Variants in GALNT13 observed in about 807,000 individuals in gnomAD.
GALNT13 encodes the protein UDP-GalNAc:polypeptide N-acetylgalactosaminyltransferase 13.
Under a neutral mutation model 64.2 loss-of-function variants are expected in GALNT13, and 28 were observed. The observed-to-expected ratio is 0.44, with a 90% CI of 0.32 to 0.60. The LOEUF is 0.60. GALNT13 is among the 20% of genes least tolerant of loss of function. The probability of loss-of-function intolerance (pLI) is 0.05; values close to 1 mark genes in which losing one functional copy is unlikely to be tolerated. For missense variants in GALNT13, 577 were observed against 669.8 expected (o/e 0.86, Z 1.53); for synonymous variants, 214 against 224.6 (o/e 0.95, Z 0.42).
At chr2:154,051,875 T>C (rs1029022963) in intron 3 of GALNT13, among the ~76,000 whole-genome samples, 6 of 152,226 alleles carry the variant, frequency 3.9e-5, no homozygotes, top group Admixed American at 3.9e-4. Flanking sequence ...TGTCTTATCC[T>C]AACTCTGAGC....
chr2:154,431,098 G>C (rs191530897), intron 11 of GALNT13, among the ~76,000 whole-genome samples: 22 of 152,100 alleles, frequency 1.4e-4, no homozygotes, highest in African/African-American at 4.6e-4. Flanking sequence ...TCTGAAGTTT[G>C]CCTGTGTATA....
intron 3 of GALNT13, among the ~76,000 whole-genome samples, chr2:154,070,685 A>G (rs538394240): frequency 1.3e-5 from 2 of 152,256 alleles, no homozygotes; most frequent in East Asian, 3.9e-4. Flanking sequence ...TGGGAGGCCG[A>G]GGCAGGCAGA....
At chr2:154,311,169 CTT>C (rs1478951256) in intron 9 of GALNT13, among the ~76,000 whole-genome samples, 1 of 152,000 alleles carries the variant, frequency 6.6e-6, no homozygotes, top group Non-Finnish European at 1.5e-5. Context: ...GATTATCAAT[CTT>C]TTTGTTTTTG....
chr2:153,815,399 G>A, the GALNT13 span, among the ~76,000 whole-genome samples: 2 of 152,152 alleles, frequency 1.3e-5, no homozygotes, highest in African/African-American at 4.8e-5. Context: ...CAGGTGAAGT[G>A]CCTGGAACAT....
chr2:154,096,209 G>T (rs1472701301), intron 3 of GALNT13, among the ~76,000 whole-genome samples: 1 of 151,890 alleles, frequency 6.6e-6, no homozygotes, highest in Non-Finnish European at 1.5e-5. Context: ...TCAAGTCCTG[G>T]TAAGTGTTTC....
chr2:154,178,274 G>A (rs10169189), intron 4 of GALNT13, among the ~76,000 whole-genome samples: 48,593 of 151,860 alleles, frequency 0.32, 8,343 homozygotes, highest in Middle Eastern at 0.43. Context: ...TTTTCATTTG[G>A]TAGATTTGGC....
At chr2:153,097,398 G>A in the GALNT13 span, among the ~76,000 whole-genome samples, 52,477 of 151,922 alleles carry the variant, frequency 0.35, 11,190 homozygotes, top group East Asian at 0.6. Context: ...TCATTAATGG[G>A]ATGATTGATG....
chr2:153,923,754 T>C (rs1432297809), intron 2 of GALNT13, among the ~76,000 whole-genome samples: 1 of 144,984 alleles, frequency 6.9e-6, no homozygotes. Context: ...AGTGTTCTCA[T>C]TGTTCAATTC....
chr2:154,015,856 A>G (rs919371177), intron 3 of GALNT13, among the ~76,000 whole-genome samples: 4 of 152,172 alleles, frequency 2.6e-5, no homozygotes, highest in African/African-American at 9.7e-5. Context: ...TTTTAAAATT[A>G]TATTTATCCT....
chr2:153,155,712 A>G, the GALNT13 span, among the ~76,000 whole-genome samples: 1 of 151,868 alleles, frequency 6.6e-6, no homozygotes, highest in African/African-American at 2.4e-5. Context: ...TTGTGTTGCT[A>G]TCTCCTTCAG....
At chr2:153,662,450 C>T in the GALNT13 span, among the ~76,000 whole-genome samples, 3 of 152,276 alleles carry the variant, frequency 2.0e-5, no homozygotes, top group South Asian at 4.1e-4. Context: ...TAGCCAGTGA[C>T]GATGGCAGAT....
chr2:153,404,559 A>C, the GALNT13 span, among the ~76,000 whole-genome samples: 2 of 151,966 alleles, frequency 1.3e-5, no homozygotes, highest in Admixed American at 1.3e-4. Flanking sequence ...AGTATTTCCC[A>C]ATTTTCTGCT....
the GALNT13 span, among the ~76,000 whole-genome samples, chr2:153,222,307 T>TGGC: frequency 1.6e-4 from 1 of 6,322 alleles, no homozygotes; most frequent in African/African-American, 7.1e-4. Context: ...TGAGTCTGGC[T>TGGC]GGGGGGGGGG....
chr2:154,419,814 G>A (rs1467604206), intron 11 of GALNT13, among the ~76,000 whole-genome samples: 7 of 152,140 alleles, frequency 4.6e-5, no homozygotes. Context: ...GACCAAATTG[G>A]AGAAGACAGT....
At chr2:154,000,284 A>T (rs910032076) in intron 3 of GALNT13, among the ~76,000 whole-genome samples, 1 of 151,052 alleles carries the variant, frequency 6.6e-6, no homozygotes, top group African/African-American at 2.5e-5. Context: ...TCGGTCTCTT[A>T]TACGTTTTTA....
In GALNT13 at chr2:154,437,757, A is replaced by G. The variant is rs192140318; in HGVS notation, c.1396-835A>G. On this transcript the variant is annotated intron_variant, in intron 11 of 12. Transcript: ENST00000392825. ...GTAGTCCCAGCCACTCGGGAGGCTG[A>G]GGCAGGAGAATCGCTTGAATCCGGG... 1.9e-3 allele frequency: 684 copies of G among 366,314 alleles called. 7 individuals are homozygous for G. Among genetic ancestry groups the G allele is most frequent in the African/African-American group, 0.014 (642 of 46,006 alleles). 22.7% of individuals were successfully genotyped at this position (366,314 alleles called of 1,614,324 possible). A position where few individuals can be genotyped will look rare whatever the true frequency, so the allele number is the denominator to read the frequency against.
chr2:153,217,661 C>T, the GALNT13 span, among the ~76,000 whole-genome samples: 1 of 130,260 alleles, frequency 7.7e-6, no homozygotes, highest in African/African-American at 2.9e-5. Context: ...TTATTTCTAG[C>T]ATTTCCGTTA....
intron 2 of GALNT13, among the ~76,000 whole-genome samples, chr2:153,907,918 A>T (rs1461852178): frequency 2.0e-5 from 3 of 152,236 alleles, no homozygotes; most frequent in East Asian, 3.9e-4. Context: ...CTTTATGTAT[A>T]TACCCAGTAA....
the GALNT13 span, among the ~76,000 whole-genome samples, chr2:153,479,455 C>T: frequency 0.81 from 123,670 of 152,130 alleles, 51,531 homozygotes; most frequent in African/African-American, 0.93. Context: ...GCAGGTTTTA[C>T]CGTGAGGTTT....
Sources: gnomAD v4.1 joint callset for allele counts (sites outside exome capture counted in the v4.1 genomes callset) on GRCh38, gnomAD v4.1.1 for gene constraint, MANE v1.5 for transcripts, NCBI Gene and HGNC (gene_info 2026-07-23, HGNC 2026-07-21) for gene names.